Variants in TRIM36 observed in about 807,000 individuals in gnomAD.
TRIM36 encodes the protein tripartite motif containing 36.
A neutral mutation model predicts 72.4 loss-of-function variants in TRIM36; 42 were observed. That is an observed-to-expected ratio of 0.58 (90% CI 0.45 to 0.75). The LOEUF is 0.75. TRIM36 is among the 30% of genes least tolerant of loss of function. TRIM36 has a pLI of 0.00. For synonymous variants in TRIM36, 315 were observed against 282.8 expected, an observed-to-expected ratio of 1.11 and a Z score of -1.14; for missense variants, 913 against 857.1, an observed-to-expected ratio of 1.07 and a Z score of -0.81.
chr5:115,143,009 G>C lies in TRIM36; in HGVS notation c.735+1589C>G, dbSNP rs534542797. Among the ~76,000 whole-genome samples, 48 of 152,142 alleles carry C rather than the reference G, an allele frequency of 3.2e-4. 2 individuals are homozygous for C. The highest frequency in any genetic ancestry group is 1.1e-3 in the African/African-American group (45 of 41,524). On this transcript the variant is annotated intron_variant, in intron 4 of 9. Transcript: ENST00000513154. The stretch of plus-strand genomic sequence containing the variant: ...CATAGGTTATAAGGCATGTACCATA[G>C]GTTGTAAGGTATGTATCTAAGAAGA...
chr5:115,154,066 C>T (rs774762357), intron 2 of TRIM36, among the ~76,000 whole-genome samples: 3 of 151,472 alleles, frequency 2.0e-5, no homozygotes, highest in Non-Finnish European at 4.4e-5. Flanking sequence ...ATTAAATAAC[C>T]TGCTCCTGAA....
upstream of TRIM36, among the ~76,000 whole-genome samples, chr5:115,174,446 A>G (rs1755247568): frequency 6.6e-6 from 1 of 152,204 alleles, no homozygotes; most frequent in Admixed American, 6.5e-5. Flanking sequence ...CACACGGACC[A>G]CCTATACTGC....
intron 2 of TRIM36, among the ~76,000 whole-genome samples, chr5:115,158,005 G>A (rs1580690967): frequency 6.6e-6 from 1 of 152,116 alleles, no homozygotes; most frequent in South Asian, 2.1e-4. Flanking sequence ...ACTACAAATA[G>A]GGTGCAGTGG....
At position 115,163,555 on chromosome 5, in the gene TRIM36, G is replaced by A. The variant is rs201526061; in HGVS notation, c.225C>T (p.Ser75=). The A allele has an allele frequency of 6.8e-6, 11 of 1,614,168 alleles. No individual in the cohort carries two copies. In the East Asian group the frequency reaches 2.2e-4, roughly 33 times the overall value. ...NQSSPRLRLP[S]PSMDKIDRIN... The stretch of plus-strand genomic sequence containing the variant: ...TTCGGTCAATTTTATCCATACTAGG[G>A]GAGGGGAGCCGAAGTCGAGGACTGC... The change falls in exon 2 of 10, where the codon TCC becomes TCT. Residue 75 remains serine, a synonymous_variant. Transcript: ENST00000513154.
At chr5:115,170,997 C>T, upstream of TRIM36, 3 of 1,525,976 alleles carry the variant, frequency 2.0e-6, no homozygotes, top group South Asian at 1.2e-5. Context: ...CACGCACTGC[C>T]TTTCTGGCTA....
upstream of TRIM36, among the ~76,000 whole-genome samples, chr5:115,171,414 CAGGTT>C: frequency 6.6e-6 from 1 of 152,212 alleles, no homozygotes; most frequent in African/African-American, 2.4e-5. Context: ...TTCCTTCCCA[CAGGTT>C]CTGAAAAGTG....
upstream of TRIM36, chr5:115,170,960 G>C: frequency 7.7e-7 from 1 of 1,296,614 alleles, no homozygotes; most frequent in South Asian, 1.4e-5. Context: ...GACACACGGA[G>C]AACAAATTAA....
chr5:115,155,773 C>G (rs1314408221), intron 2 of TRIM36, among the ~76,000 whole-genome samples: 1 of 152,160 alleles, frequency 6.6e-6, no homozygotes, highest in Non-Finnish European at 1.5e-5. Context: ...GATGCCCACT[C>G]TTACCACCCT....
chr5:115,131,039 A>T, intron 8 of TRIM36, 150 bp from the exon 9 acceptor site: 1 of 785,604 alleles, frequency 1.3e-6, no homozygotes, highest in Non-Finnish European at 2.0e-6. Flanking sequence ...ACAAACCAAA[A>T]CCCAACTTAG....
chr5:115,130,933 G>A, intron 8 of TRIM36, 44 bp from the exon 9 acceptor site: 2 of 1,552,690 alleles, frequency 1.3e-6, no homozygotes, highest in Middle Eastern at 1.7e-4. Flanking sequence ...AATTATCATT[G>A]CTCTAGTTTG....
At chr5:115,137,710 T>C (rs568400794) in intron 5 of TRIM36, 94 bp from the exon 6 acceptor site, 37 of 1,332,930 alleles carry the variant, frequency 2.8e-5, no homozygotes, top group Admixed American at 5.1e-5. Context: ...TTCTACATAA[T>C]TACATTTCAT....
At chr5:115,136,869 A>G in intron 7 of TRIM36, 131 bp downstream of exon 7, 3 of 763,106 alleles carry the variant, frequency 3.9e-6, no homozygotes, top group Non-Finnish European at 5.7e-6. Flanking sequence ...ATATGATTTC[A>G]GGATGCTGTG....
At chr5:115,142,110 C>G in intron 4 of TRIM36, among the ~76,000 whole-genome samples, 1 of 152,048 alleles carries the variant, frequency 6.6e-6, no homozygotes. Flanking sequence ...TATTGAGAGT[C>G]TAAATAAGAA....
At chr5:115,141,042 T>C (rs1753250403) in intron 5 of TRIM36, among the ~76,000 whole-genome samples, 1 of 152,196 alleles carries the variant, frequency 6.6e-6, no homozygotes, top group Admixed American at 6.5e-5. Flanking sequence ...CAAATAGTCA[T>C]TTTTTCCCTC....
intron 9 of TRIM36, among the ~76,000 whole-genome samples, chr5:115,127,766 C>T (rs949144528): frequency 1.1e-4 from 17 of 152,028 alleles, no homozygotes; most frequent in Non-Finnish European, 1.9e-4. Flanking sequence ...ATTTATTATG[C>T]AATGCTTTTA....
intron 1 of TRIM36, among the ~76,000 whole-genome samples, chr5:115,166,527 T>G (rs537008540): frequency 3.3e-5 from 5 of 152,290 alleles, no homozygotes; most frequent in African/African-American, 7.2e-5. Context: ...AGAGCTACTC[T>G]TTTGCTCAAT....
chr5:115,146,978 A>C, intron 3 of TRIM36, 91 bp downstream of exon 3: 1 of 1,264,082 alleles, frequency 7.9e-7, no homozygotes, highest in Non-Finnish European at 1.1e-6. Flanking sequence ...CAAGTTCTAG[A>C]CTTAATAATT....
At chr5:115,139,584 A>G (rs1321775211) in intron 5 of TRIM36, among the ~76,000 whole-genome samples, 1 of 152,250 alleles carries the variant, frequency 6.6e-6, no homozygotes, top group Admixed American at 6.5e-5. Flanking sequence ...AGGTAGTGAC[A>G]TTTTGATAGT....
chr5:115,134,630 T>C (rs1022630850), intron 7 of TRIM36, among the ~76,000 whole-genome samples: 4 of 152,100 alleles, frequency 2.6e-5, no homozygotes, highest in African/African-American at 9.7e-5. Flanking sequence ...AACCTCTGTC[T>C]CCCAGGTTCA....
Sources: gnomAD v4.1 joint callset for allele counts (sites outside exome capture counted in the v4.1 genomes callset) on GRCh38, gnomAD v4.1.1 for gene constraint, MANE v1.5 for transcripts, NCBI Gene and HGNC (gene_info 2026-07-23, HGNC 2026-07-21) for gene names.